MSH3: variants seen among roughly 807,000 people sequenced by gnomAD.
MSH3 encodes the protein mutS homolog 3, also known as DNA mismatch repair protein Msh3.
In MSH3, 106 loss-of-function variants were observed where a neutral mutation model predicts 123.3. That is an observed-to-expected ratio of 0.86 (90% CI 0.73 to 1.01). The LOEUF (loss-of-function observed/expected upper bound fraction) is 1.01. Ranked by LOEUF, MSH3 falls within the 50% of genes least tolerant of loss-of-function variation. The pLI is 0.00. For missense variants in MSH3, 1,459 were observed against 1,347.6 expected, an observed-to-expected ratio of 1.08 and a Z score of -1.29; for synonymous variants, 515 against 481.4, an observed-to-expected ratio of 1.07 and a Z score of -0.91.
At chr5:80,695,203 C>T (rs1750448867) in intron 8 of MSH3, among the ~76,000 whole-genome samples, 1 of 149,778 alleles carries the variant, frequency 6.7e-6, no homozygotes, top group Non-Finnish European at 1.5e-5. Context: ...CAGTCTGTAT[C>T]CTCTCTGCTT....
At chr5:80,745,296 A>G (rs1402010991) in intron 12 of MSH3, among the ~76,000 whole-genome samples, 1 of 152,214 alleles carries the variant, frequency 6.6e-6, no homozygotes, top group East Asian at 1.9e-4. Flanking sequence ...AATTTTACCC[A>G]GATGATTCTG....
At chr5:80,790,694 G>T (rs1239442937) in intron 18 of MSH3, among the ~76,000 whole-genome samples, 1 of 152,196 alleles carries the variant, frequency 6.6e-6, no homozygotes, top group East Asian at 1.9e-4. Context: ...TAAAAGAAGA[G>T]TGCAGATGCC....
chr5:80,737,444 G>C (rs1743532285), intron 10 of MSH3, among the ~76,000 whole-genome samples: 1 of 151,974 alleles, frequency 6.6e-6, no homozygotes, highest in Non-Finnish European at 1.5e-5. Flanking sequence ...TGTATTTTTG[G>C]TGTCTGAAAT....
intron 19 of MSH3, among the ~76,000 whole-genome samples, chr5:80,797,785 G>C (rs1486026955): frequency 6.6e-6 from 1 of 152,170 alleles, no homozygotes; most frequent in Admixed American, 6.5e-5. Flanking sequence ...CAAGGAGGCT[G>C]GCCCAGGGAC....
intron 22 of MSH3, among the ~76,000 whole-genome samples, chr5:80,865,350 TA>T (rs1330045332): frequency 6.6e-6 from 1 of 151,826 alleles, no homozygotes; most frequent in Non-Finnish European, 1.5e-5. Context: ...TTTAACTTAC[TA>T]AGGGCCATAT....
At chr5:80,660,276 G>A (rs1213362408) in intron 2 of MSH3, among the ~76,000 whole-genome samples, 1 of 151,958 alleles carries the variant, frequency 6.6e-6, no homozygotes, top group Non-Finnish European at 1.5e-5. Flanking sequence ...TTACATGGCG[G>A]TGGCAAGAGA....
In MSH3 at chr5:80,768,037, G is replaced by T. The variant is rs574753145; in HGVS notation, c.2001G>T (p.Leu667Phe). 6.2e-7 allele frequency: 1 copy of T among 1,613,742 alleles called. No individual in the cohort carries two copies. The highest frequency in any genetic ancestry group is 1.1e-5 in the South Asian group (1 of 91,080). ...TTAATTCCCACATTCAGTCAGACTT[G>T]CTCCGGACCGTTATTTTAGAAATTC... ...PAVNSHIQSDLLRTVILEIPE... is the reference protein window; with the variant it reads ...PAVNSHIQSDFLRTVILEIPE... The change falls in exon 14 of 24, where the codon TTG (leucine) becomes TTT (phenylalanine). Residue 667 changes from leucine (L) to phenylalanine (F), a missense_variant. Coordinates refer to ENST00000265081, the MANE Select transcript of MSH3 (RefSeq NM_002439.5).
chr5:80,772,085 C>T (rs567371005), intron 15 of MSH3, among the ~76,000 whole-genome samples: 1 of 151,944 alleles, frequency 6.6e-6, no homozygotes, highest in African/African-American at 2.4e-5. Flanking sequence ...GAATATATAC[C>T]AATTATCTCT....
intron 20 of MSH3, among the ~76,000 whole-genome samples, chr5:80,839,334 A>G (rs532660733): frequency 2.6e-4 from 40 of 152,306 alleles, no homozygotes; most frequent in African/African-American, 9.1e-4. Flanking sequence ...TGCCACTGCA[A>G]TCCAACCTGG....
Position 80,761,640 on chromosome 5 carries a change from G to C in MSH3, c.1858G>C (p.Asp620His), listed in dbSNP as rs200337887. Reference protein sequence around the residue: ...QIENHLRKLPDIERGLCSIYH... With the variant: ...QIENHLRKLPHIERGLCSIYH... Reference sequence around the variant, plus strand: ...AGAAAATCATCTACGTAAATTGCCCGACATAGAGAGGGGACTCTGTAGCAT... The same window carrying C: ...AGAAAATCATCTACGTAAATTGCCCCACATAGAGAGGGGACTCTGTAGCAT... Residue 620 changes from aspartate (D) to histidine (H), a missense_variant, in exon 13 of 24, where the codon GAC becomes CAC. Asp to His is a moderately conservative substitution (Grantham distance 81). Transcript: ENST00000265081. 6.2e-7 allele frequency: 1 copy of C among 1,614,070 alleles called. No homozygotes were observed. The highest frequency in any genetic ancestry group is 1.1e-5 in the South Asian group (1 of 91,082).
Position 80,715,772 on chromosome 5 carries a change from A to G in MSH3, c.1341-9681A>G, listed in dbSNP as rs1041204686. On this transcript the variant is annotated intron_variant, in intron 8 of 23. Transcript: ENST00000265081. ...AGGGGGAGGTGCCATACACTTTCAA[A>G]CAACCAGATCTCATGAGAACTCACT... Among the ~76,000 whole-genome samples the G allele has an allele frequency of 3.9e-5, 6 of 152,192 alleles. No individual in the cohort carries two copies. In the East Asian group the frequency reaches 1.2e-3, roughly 29 times the overall value.
chr5:80,833,721 G>A (rs1745460245), intron 20 of MSH3, among the ~76,000 whole-genome samples: 2 of 152,222 alleles, frequency 1.3e-5, no homozygotes, highest in Non-Finnish European at 2.9e-5. Context: ...GATTACAGGC[G>A]TGAGCCACCT....
intron 4 of MSH3, 130 bp from the exon 5 acceptor site, chr5:80,672,114 T>C (rs1242012029): frequency 1.4e-6 from 1 of 723,810 alleles, no homozygotes; most frequent in Non-Finnish European, 2.4e-6. Context: ...TTTATTGACA[T>C]AGTACACATT....
At chr5:80,873,449 A>G (rs1166737220) in intron 23 of MSH3, among the ~76,000 whole-genome samples, 162 bp downstream of exon 23, 1 of 152,198 alleles carries the variant, frequency 6.6e-6, no homozygotes, top group East Asian at 1.9e-4. Flanking sequence ...GCTCTTGCAA[A>G]GCTCAGGTGA....
intron 20 of MSH3, among the ~76,000 whole-genome samples, chr5:80,842,048 G>T (rs1426877934): frequency 6.6e-6 from 1 of 152,074 alleles, no homozygotes; most frequent in East Asian, 1.9e-4. Flanking sequence ...GGTCTTACAT[G>T]TAAGTATTTA....
At chr5:80,806,843 A>G (rs760939955) in intron 19 of MSH3, among the ~76,000 whole-genome samples, 11 of 152,200 alleles carry the variant, frequency 7.2e-5, no homozygotes, top group Non-Finnish European at 1.3e-4. Context: ...ATGTGAACAT[A>G]TGAATATGTC....
intron 20 of MSH3, among the ~76,000 whole-genome samples, chr5:80,844,735 T>TC (rs1442227927): frequency 6.6e-6 from 1 of 151,870 alleles, no homozygotes; most frequent in Non-Finnish European, 1.5e-5. Context: ...TGCTTTTTTT[T>TC]TGCTTTCCAT....
intron 8 of MSH3, among the ~76,000 whole-genome samples, chr5:80,706,627 A>T (rs1014418575): frequency 1.3e-5 from 2 of 152,196 alleles, no homozygotes; most frequent in African/African-American, 4.8e-5. Context: ...CATTTAGACT[A>T]TTATCATCTC....
chr5:80,697,243 C>G (rs556823698), intron 8 of MSH3, among the ~76,000 whole-genome samples: 3 of 152,230 alleles, frequency 2.0e-5, no homozygotes, highest in African/African-American at 7.2e-5. Context: ...GGTCAGAAAT[C>G]GTGCAGAGTC....
Sources: allele counts gnomAD v4.1 joint callset (sites outside exome capture counted in the v4.1 genomes callset), GRCh38; gene constraint gnomAD v4.1.1; transcripts MANE v1.5; gene names NCBI Gene and HGNC (gene_info 2026-07-23, HGNC 2026-07-21).